Variants in MYO18B observed in about 807,000 individuals in gnomAD.
MYO18B encodes myosin XVIIIB, also known as unconventional myosin-XVIIIb.
MYO18B carries 204 observed loss-of-function variants against 273.0 expected under a neutral mutation model. That is an observed-to-expected ratio of 0.75 (90% CI 0.67 to 0.84). The LOEUF is 0.84. Ranked by LOEUF, MYO18B falls within the 40% of genes least tolerant of loss-of-function variation. The pLI, the probability that MYO18B is intolerant of heterozygous loss-of-function variation, is 0.00. For synonymous variants in MYO18B, 1,330 were observed against 1,305.7 expected (o/e 1.02, Z -0.40); for missense variants, 3,212 against 3,287.6 (o/e 0.98, Z 0.56).
At chr22:25,958,178 G>C (rs959098310) in intron 39 of MYO18B, among the ~76,000 whole-genome samples, 1 of 152,098 alleles carries the variant, frequency 6.6e-6, no homozygotes, top group African/African-American at 2.4e-5. Context: ...GCCTCCCGAA[G>C]TGTTGGAATT....
chr22:25,747,184 A>G (rs1190226143), intron 1 of MYO18B, among the ~76,000 whole-genome samples: 1 of 152,186 alleles, frequency 6.6e-6, no homozygotes, highest in Non-Finnish European at 1.5e-5. Context: ...CTCAATCCCT[A>G]AAATCAGTCA....
chr22:25,950,540 G>A (rs1364002468), intron 37 of MYO18B, 90 bp downstream of exon 37: 1 of 728,250 alleles, frequency 1.4e-6, no homozygotes, highest in Non-Finnish European at 2.2e-6. Context: ...GTGTGTGTGT[G>A]TGTGTGTGTG....
intron 9 of MYO18B, among the ~76,000 whole-genome samples, chr22:25,780,539 G>A (rs1038119952): frequency 5.7e-5 from 8 of 139,134 alleles, no homozygotes; most frequent in African/African-American, 1.3e-4. Context: ...GTAGTGAGCC[G>A]AGATTGTGCC....
intron 16 of MYO18B, 39 bp downstream of exon 16, chr22:25,833,036 A>G (rs973188215): frequency 6.4e-7 from 1 of 1,571,456 alleles, no homozygotes; most frequent in Non-Finnish European, 8.8e-7. Context: ...CTCAGATGCC[A>G]GTTGGCCATA....
intron 39 of MYO18B, among the ~76,000 whole-genome samples, chr22:25,985,546 A>C (rs2093192643): frequency 6.6e-6 from 1 of 152,010 alleles, no homozygotes; most frequent in South Asian, 2.1e-4. Flanking sequence ...CCCAAAGTGG[A>C]GCTTAACACC....
the MYO18B span, among the ~76,000 whole-genome samples, chr22:26,041,135 A>G: frequency 2.0e-5 from 3 of 151,496 alleles, no homozygotes; most frequent in Admixed American, 6.6e-5. Context: ...TTAAAGCATT[A>G]TGAGATTCTT....
At chr22:25,815,331 T>A (rs2088955418) in intron 12 of MYO18B, among the ~76,000 whole-genome samples, 1 of 152,216 alleles carries the variant, frequency 6.6e-6, no homozygotes, top group Non-Finnish European at 1.5e-5. Flanking sequence ...GACTTGCAGC[T>A]GGTCCATTCT....
At position 26,006,537 on chromosome 22, in the gene MYO18B, T is replaced by C. The variant is rs576868918; in HGVS notation, c.6470+1682T>C. Reference sequence around the variant, plus strand: ...AATCTATAGGAAAACGTATACAATGTATAGTTTTTAAAGTCAACGTTTTTA... The same window carrying C: ...AATCTATAGGAAAACGTATACAATGCATAGTTTTTAAAGTCAACGTTTTTA... On this transcript the variant is annotated intron_variant, in intron 42 of 43. Coordinates refer to ENST00000335473, the MANE Select transcript of MYO18B (RefSeq NM_032608.7). 5.3e-4 allele frequency: 125 copies of C among 234,468 alleles called. 2 individuals are homozygous for C. The South Asian group carries it at 0.011, about 21-fold the overall frequency. The allele number at this position is 234,468 out of a possible 1,614,324, so 14.5% of individuals were successfully genotyped here. A position where few individuals can be genotyped will look rare whatever the true frequency, so the allele number is the denominator to read the frequency against.
intron 34 of MYO18B, among the ~76,000 whole-genome samples, chr22:25,940,286 C>T (rs1027827862): frequency 6.7e-5 from 3 of 44,930 alleles, no homozygotes; most frequent in Non-Finnish European, 1.5e-4. Context: ...ATAAGTCTCA[C>T]GAGATCTGGT....
At position 25,860,632 on chromosome 22, in the gene MYO18B, T is replaced by C. The variant is rs117611927; in HGVS notation, c.3886-7688T>C. On this transcript the variant is annotated intron_variant, in intron 21 of 43. Coordinates refer to ENST00000335473, the MANE Select transcript of MYO18B (RefSeq NM_032608.7). ...ATTAATTTCTACATATTTGGAACTT[T>C]CTCACCTTTTTTCTTGTTGGTTTCT... is the stretch of plus-strand genomic sequence containing the variant. 7.3e-4 allele frequency among the ~76,000 whole-genome samples: 111 copies of C among 152,320 alleles called. 1 individual carries two copies. The East Asian group carries it at 0.02, about 27-fold the overall frequency.
chr22:25,912,269 A>G (rs1476053), intron 33 of MYO18B, among the ~76,000 whole-genome samples: 137,343 of 152,224 alleles, frequency 0.9, 62,334 homozygotes, highest in Middle Eastern at 0.97. Flanking sequence ...TTCCAGCCAA[A>G]CAATTGAGAC....
intron 33 of MYO18B, 119 bp downstream of exon 33, chr22:25,911,169 A>T: frequency 1.3e-6 from 1 of 744,860 alleles, no homozygotes; most frequent in Non-Finnish European, 2.2e-6. Context: ...TGTTCCCACC[A>T]TATTCACTGG....
At chr22:25,805,659 C>G (rs1237544244) in intron 12 of MYO18B, among the ~76,000 whole-genome samples, 1 of 152,204 alleles carries the variant, frequency 6.6e-6, no homozygotes, top group African/African-American at 2.4e-5. Context: ...TTCAGTAGAG[C>G]TACCGATGAC....
rs550617968 is a variant in MYO18B, at chr22:25,758,976, G to A, written c.-109-2008G>A. On this transcript the variant is annotated intron_variant, in intron 1 of 43. Transcript: ENST00000335473. The stretch of plus-strand genomic sequence containing the variant: ...TCACCTTGTTAGCCAGGATGGTCTC[G>A]ATATCCTGACTTTGTGATCTGCCTG... 2.0e-5 allele frequency among the ~76,000 whole-genome samples: 3 copies of A among 152,188 alleles called. No homozygotes were observed. In the South Asian group the frequency reaches 6.2e-4, roughly 32 times the overall value.
chr22:25,750,462 T>G (rs11090409), intron 1 of MYO18B, among the ~76,000 whole-genome samples: 46,404 of 152,008 alleles, frequency 0.31, 7,373 homozygotes, highest in South Asian at 0.42. Flanking sequence ...AGCATCCTTT[T>G]TTTCCCTCGC....
chr22:25,765,711 G>A (rs117159242), intron 3 of MYO18B, among the ~76,000 whole-genome samples: 191 of 150,818 alleles, frequency 1.3e-3, no homozygotes, highest in Non-Finnish European at 1.9e-3. Context: ...AGGGTGGGGG[G>A]ACCAAAGGCT....
chr22:25,841,940 A>C (rs2090094639), intron 17 of MYO18B, among the ~76,000 whole-genome samples: 1 of 152,162 alleles, frequency 6.6e-6, no homozygotes, highest in African/African-American at 2.4e-5. Flanking sequence ...TTACTCTCCC[A>C]TTGGAAGGGG....
chr22:25,791,359 G>A (rs530562221), intron 11 of MYO18B, among the ~76,000 whole-genome samples: 2 of 152,348 alleles, frequency 1.3e-5, no homozygotes, highest in East Asian at 1.9e-4. Flanking sequence ...GCCAGCCAAA[G>A]CAAGGACCCC....
intron 21 of MYO18B, among the ~76,000 whole-genome samples, chr22:25,862,155 T>C (rs2090756296): frequency 6.6e-6 from 1 of 152,140 alleles, no homozygotes; most frequent in African/African-American, 2.4e-5. Context: ...AGGATATGAG[T>C]AGGTTATTTG....
Sources: allele counts gnomAD v4.1 joint callset (sites outside exome capture counted in the v4.1 genomes callset), GRCh38; gene constraint gnomAD v4.1.1; transcripts MANE v1.5; gene names NCBI Gene and HGNC (gene_info 2026-07-23, HGNC 2026-07-21).